RBM39: variants seen among roughly 807,000 people sequenced by gnomAD.
RBM39 encodes RNA binding motif protein 39, also known as RNA-binding protein 39.
A neutral mutation model predicts 79.6 loss-of-function variants in RBM39; 12 were observed. The observed-to-expected ratio is 0.15, with a 90% CI of 0.10 to 0.24. RBM39 has a LOEUF of 0.24. RBM39 is among the 10% of genes least tolerant of loss of function. The pLI is 1.00. For missense variants in RBM39, 243 were observed against 653.4 expected, an observed-to-expected ratio of 0.37 and a Z score of 6.85; for synonymous variants, 185 against 208.4, an observed-to-expected ratio of 0.89 and a Z score of 0.97.
chr20:35,720,337 C>T (rs1191971455), intron 9 of RBM39, among the ~76,000 whole-genome samples: 3 of 152,146 alleles, frequency 2.0e-5, no homozygotes, highest in Admixed American at 6.6e-5. Context: ...CACAAGGCCT[C>T]GTGGCGCCTG....
intron 6 of RBM39, among the ~76,000 whole-genome samples, chr20:35,729,102 AATAT>A (rs1157889581): frequency 4.0e-5 from 5 of 124,004 alleles, no homozygotes; most frequent in African/African-American, 1.5e-4. Flanking sequence ...TAAATAAATA[AATAT>A]ATAACTGTTG....
intron 2 of RBM39, 120 bp from the exon 3 acceptor site, chr20:35,739,137 A>T: frequency 2.3e-6 from 2 of 861,672 alleles, no homozygotes; most frequent in Non-Finnish European, 3.7e-6. Flanking sequence ...TTATTTACTT[A>T]TAGTTTAACA....
intron 3 of RBM39, among the ~76,000 whole-genome samples, chr20:35,733,531 C>T (rs2039598735): frequency 6.6e-6 from 1 of 151,994 alleles, no homozygotes; most frequent in South Asian, 2.1e-4. Context: ...ATCGCTTGAA[C>T]CTGGGAGGCA....
chr20:35,704,959 A>G (rs1393525956), intron 15 of RBM39: 1 of 595,956 alleles, frequency 1.7e-6, no homozygotes, highest in East Asian at 2.8e-5. Flanking sequence ...TACGATTTGT[A>G]TGCAGCCTAA....
chr20:35,718,983 A>C (rs1173460007), intron 9 of RBM39, among the ~76,000 whole-genome samples: 2 of 152,026 alleles, frequency 1.3e-5, no homozygotes, highest in Non-Finnish European at 2.9e-5. Flanking sequence ...AAAAATAATA[A>C]AATAAACCTT....
intron 12 of RBM39, among the ~76,000 whole-genome samples, chr20:35,712,626 GTC>G (rs1399122427): frequency 6.6e-6 from 1 of 151,700 alleles, no homozygotes; most frequent in African/African-American, 2.4e-5. Context: ...AAAAATAACT[GTC>G]TCAACACTCT....
rs1275635283 is a variant in RBM39, at chr20:35,704,139, A to T, written c.*342T>A. On this transcript the variant is annotated 3_prime_UTR_variant, in exon 17 of 17. Transcript: ENST00000253363. ...ATGTGAAATGTAACCACTGTGTAAA[A>T]AGTTAGGCTTCTGAAACATTAAAAA... is the stretch of plus-strand genomic sequence containing the variant. The T allele has an allele frequency of 5.8e-6, 1 of 172,218 alleles. No individual in the cohort carries two copies. Among genetic ancestry groups the T allele is most frequent in the Non-Finnish European group, 1.3e-5 (1 of 78,840 alleles). The allele number at this position is 172,218 out of a possible 1,614,324, so 10.7% of individuals were successfully genotyped here.
chr20:35,739,088 G>C, intron 2 of RBM39, 71 bp from the exon 3 acceptor site: 1 of 1,221,750 alleles, frequency 8.2e-7, no homozygotes, highest in South Asian at 1.2e-5. Context: ...AGGGTAAAGG[G>C]AACAGGAATA....
chr20:35,706,686 C>G (rs900737042), intron 14 of RBM39, among the ~76,000 whole-genome samples: 1 of 151,916 alleles, frequency 6.6e-6, no homozygotes, highest in Admixed American at 6.6e-5. Context: ...CGCACCTGGC[C>G]GAAAAATTAT....
At chr20:35,741,622 AAGAG>A (rs2040545487) in intron 1 of RBM39, 1 of 152,206 alleles carries the variant, frequency 6.6e-6, no homozygotes. Context: ...TTTAGGGGCA[AAGAG>A]AAACTCCCTC....
intron 10 of RBM39, among the ~76,000 whole-genome samples, chr20:35,714,985 T>A (rs115693657): frequency 4.6e-5 from 7 of 152,176 alleles, no homozygotes; most frequent in African/African-American, 1.7e-4. Flanking sequence ...CTATGTTTCA[T>A]AAATTTTCTC....
rs560155965 is a variant in RBM39 at position 35,733,637 on chromosome 20, G to A, written c.102-1502C>T. On this transcript the variant is annotated intron_variant, in intron 3 of 16. Transcript: ENST00000253363. ...AAAAAGAAAAAGAAAAAGAACTAACGCATTAAAATACAATTTGACATTCCT... is the reference window on the plus strand; with the variant it reads ...AAAAAGAAAAAGAAAAAGAACTAACACATTAAAATACAATTTGACATTCCT... Among the ~76,000 whole-genome samples, 142 of 145,974 alleles carry A rather than the reference G, an allele frequency of 9.7e-4. 1 individual carries two copies. Among genetic ancestry groups the A allele is most frequent in the Non-Finnish European group, 9.0e-4 (60 of 66,354 alleles).
intron 10 of RBM39, among the ~76,000 whole-genome samples, chr20:35,716,019 G>A (rs751680223): frequency 6.6e-6 from 1 of 152,062 alleles, no homozygotes; most frequent in Non-Finnish European, 1.5e-5. Flanking sequence ...ATGGCCTGCA[G>A]AACCTAATAA....
chr20:35,703,921 A>G lies in RBM39; in HGVS notation c.*560T>C, dbSNP rs943630912. On this transcript the variant is annotated 3_prime_UTR_variant, in exon 17 of 17. Coordinates refer to ENST00000253363, the MANE Select transcript of RBM39 (RefSeq NM_184234.3). ...ACCAGAACACATAGTATTTACAAAG[A>G]AACTTTTACAGATACATTAATTGAA... is the stretch of plus-strand genomic sequence containing the variant. 4 of 152,526 alleles carry G rather than the reference A, an allele frequency of 2.6e-5. No individual in the cohort carries two copies. Among genetic ancestry groups the G allele is most frequent in the African/African-American group, 9.6e-5 (4 of 41,458 alleles). The allele number at this position is 152,526 out of a possible 1,614,324, so 9.4% of individuals were successfully genotyped here.
intron 1 of RBM39, among the ~76,000 whole-genome samples, chr20:35,741,237 T>G (rs2040499160): frequency 6.6e-6 from 1 of 151,438 alleles, no homozygotes; most frequent in Non-Finnish European, 1.5e-5. Context: ...TTTCACCATG[T>G]TGATGAGGTT....
chr20:35,739,344 G>A, intron 2 of RBM39: 1 of 457,494 alleles, frequency 2.2e-6, no homozygotes, highest in Non-Finnish European at 4.5e-6. Flanking sequence ...AAAACATGAA[G>A]TCCTGTTTTG....
chr20:35,708,470 T>C (rs1443789375), intron 13 of RBM39, among the ~76,000 whole-genome samples: 3 of 152,098 alleles, frequency 2.0e-5, no homozygotes, highest in Admixed American at 2.0e-4. Flanking sequence ...ACAGTAAATC[T>C]AGGAAAATCT....
At chr20:35,716,867 T>A in intron 9 of RBM39, 62 bp from the exon 10 acceptor site, 1 of 1,107,618 alleles carries the variant, frequency 9.0e-7, no homozygotes, top group Non-Finnish European at 1.3e-6. Context: ...CTTTCTTCCC[T>A]GAGACATGGT....
At chr20:35,725,220 T>C (rs2038506733) in intron 6 of RBM39, 65 bp from the exon 7 acceptor site, 7 of 1,123,666 alleles carry the variant, frequency 6.2e-6, no homozygotes, top group Non-Finnish European at 6.4e-6. Flanking sequence ...TTATCTTTTT[T>C]ATTTCTTCAT....
Sources: gnomAD v4.1 joint callset for allele counts (sites outside exome capture counted in the v4.1 genomes callset) on GRCh38, gnomAD v4.1.1 for gene constraint, MANE v1.5 for transcripts, NCBI Gene and HGNC (gene_info 2026-07-23, HGNC 2026-07-21) for gene names.